PRKCA: variants seen among roughly 807,000 people sequenced by gnomAD.
PRKCA encodes protein kinase C alpha, also known as protein kinase C alpha type.
PRKCA carries 27 observed loss-of-function variants against 87.0 expected under a neutral mutation model. That is an observed-to-expected ratio of 0.31 (90% CI 0.23 to 0.43). The LOEUF is 0.43. Among genes scored for constraint, PRKCA ranks in the 20% least tolerant of loss-of-function variants. PRKCA has a pLI of 1.00. For missense variants in PRKCA, 518 were observed against 852.3 expected, an observed-to-expected ratio of 0.61 and a Z score of 4.88; for synonymous variants, 329 against 311.1, an observed-to-expected ratio of 1.06 and a Z score of -0.61.
At chr17:66,728,195 C>A (rs923778426) in intron 8 of PRKCA, among the ~76,000 whole-genome samples, 1 of 152,322 alleles carries the variant, frequency 6.6e-6, no homozygotes, top group African/African-American at 2.4e-5. Context: ...ATTGGGGGAG[C>A]AAGGGCGTGA....
At chr17:66,738,418 G>A (rs543912864) in intron 10 of PRKCA, among the ~76,000 whole-genome samples, 1 of 152,268 alleles carries the variant, frequency 6.6e-6, no homozygotes, top group Non-Finnish European at 1.5e-5. Context: ...GCCTTATGTG[G>A]ATTCCTCACA....
At chr17:66,753,388 G>A (rs903625480) in intron 13 of PRKCA, among the ~76,000 whole-genome samples, 1 of 152,214 alleles carries the variant, frequency 6.6e-6, no homozygotes, top group African/African-American at 2.4e-5. Context: ...AGGAGTCAGT[G>A]GATGGCTGTT....
intron 16 of PRKCA, among the ~76,000 whole-genome samples, chr17:66,801,047 A>G (rs936482840): frequency 6.6e-6 from 1 of 152,162 alleles, no homozygotes; most frequent in Non-Finnish European, 1.5e-5. Context: ...GGATGTTCCC[A>G]ATGCCGACTC....
At chr17:66,548,785 G>T (rs1052950695) in intron 3 of PRKCA, among the ~76,000 whole-genome samples, 5 of 148,440 alleles carry the variant, frequency 3.4e-5, no homozygotes, top group African/African-American at 1.0e-4. Context: ...CCCTCCTAGC[G>T]CCTACCGAAT....
At chr17:66,786,242 C>A (rs145566542) in intron 14 of PRKCA, among the ~76,000 whole-genome samples, 4 of 152,214 alleles carry the variant, frequency 2.6e-5, no homozygotes, top group Admixed American at 2.6e-4. Flanking sequence ...CAAGGTCCCA[C>A]GGGGCCACCG....
chr17:66,347,941 C>CTTGTTTTTTTTTTT (rs1907496138), intron 2 of PRKCA, among the ~76,000 whole-genome samples: 1 of 56,440 alleles, frequency 1.8e-5, no homozygotes, highest in African/African-American at 5.7e-5. Context: ...AATTCTGAAC[C>CTTGTTTTTTTTTTT]TTTTTTTTTT....
chr17:66,362,644 T>TCTCC (rs1293084024), intron 2 of PRKCA, among the ~76,000 whole-genome samples: 1 of 151,406 alleles, frequency 6.6e-6, no homozygotes, highest in Non-Finnish European at 1.5e-5. Context: ...ATTTTTTCTG[T>TCTCC]CTCCCTCAAC....
intron 2 of PRKCA, among the ~76,000 whole-genome samples, chr17:66,313,746 T>G (rs924201965): frequency 6.6e-6 from 1 of 152,242 alleles, no homozygotes; most frequent in African/African-American, 2.4e-5. Flanking sequence ...TTAAAATTTT[T>G]GTACCTGAAA....
At chr17:66,782,384 G>A (rs1975259998) in intron 14 of PRKCA, among the ~76,000 whole-genome samples, 1 of 152,098 alleles carries the variant, frequency 6.6e-6, no homozygotes, top group South Asian at 2.1e-4. Context: ...CTGGGAGGAG[G>A]CACTTAACTA....
At chr17:66,799,681 A>C (rs1359576286) in intron 16 of PRKCA, among the ~76,000 whole-genome samples, 1 of 86,272 alleles carries the variant, frequency 1.2e-5, no homozygotes, top group South Asian at 4.2e-4. Flanking sequence ...TGGTGGTGGT[A>C]ATGGTGGTGG....
intron 3 of PRKCA, among the ~76,000 whole-genome samples, chr17:66,616,095 A>G (rs1024914653): frequency 6.6e-6 from 1 of 152,152 alleles, no homozygotes; most frequent in Non-Finnish European, 1.5e-5. Context: ...CGCCTTTTTA[A>G]TCATTGATGC....
intron 2 of PRKCA, among the ~76,000 whole-genome samples, chr17:66,406,614 G>A (rs79694031): frequency 0.16 from 3,551 of 22,626 alleles, 77 homozygotes; most frequent in East Asian, 0.31. Context: ...TTTTTTAAAT[G>A]TCATAGAAAA....
intron 5 of PRKCA, among the ~76,000 whole-genome samples, chr17:66,678,659 T>G (rs1193602998): frequency 1.4e-5 from 2 of 145,712 alleles, no homozygotes; most frequent in African/African-American, 5.4e-5. Context: ...ACAGTCCTTG[T>G]TGACTGAAAA....
intron 13 of PRKCA, among the ~76,000 whole-genome samples, chr17:66,743,058 CG>C (rs1194452927): frequency 6.6e-6 from 1 of 152,140 alleles, no homozygotes; most frequent in Non-Finnish European, 1.5e-5. Context: ...TGGCTGGGCG[CG>C]GTGGCTCACG....
intron 3 of PRKCA, among the ~76,000 whole-genome samples, chr17:66,624,617 G>A (rs959831071): frequency 4.6e-5 from 7 of 151,910 alleles, no homozygotes; most frequent in South Asian, 4.2e-4. Context: ...CGTGGCCAAC[G>A]TGGTGAAACC....
intron 8 of PRKCA, among the ~76,000 whole-genome samples, chr17:66,693,573 G>C (rs1359428099): frequency 1.3e-5 from 2 of 152,114 alleles, no homozygotes; most frequent in African/African-American, 4.8e-5. Flanking sequence ...GGACAACTGA[G>C]ATTCCTGTTT....
intron 16 of PRKCA, among the ~76,000 whole-genome samples, chr17:66,801,989 G>T (rs182661694): frequency 6.6e-6 from 1 of 152,330 alleles, no homozygotes; most frequent in Admixed American, 6.5e-5. Context: ...GGGAGGCCAA[G>T]GCCAGCAGAT....
intron 8 of PRKCA, among the ~76,000 whole-genome samples, chr17:66,716,744 C>T (rs568578948): frequency 1.3e-5 from 2 of 152,306 alleles, no homozygotes; most frequent in African/African-American, 4.8e-5. Context: ...ATGAAAAGAA[C>T]CAAGCACTTC....
chr17:66,607,129 A>C (rs1029794544), intron 3 of PRKCA, among the ~76,000 whole-genome samples: 1 of 152,254 alleles, frequency 6.6e-6, no homozygotes, highest in Non-Finnish European at 1.5e-5. Flanking sequence ...AAGTTTTTGC[A>C]GATTATTTCA....
Sources: gnomAD v4.1 joint callset for allele counts (sites outside exome capture counted in the v4.1 genomes callset) on GRCh38, gnomAD v4.1.1 for gene constraint, MANE v1.5 for transcripts, NCBI Gene and HGNC (gene_info 2026-07-23, HGNC 2026-07-21) for gene names.